The following TENM2 variants were observed in gnomAD, a reference collection of about 807,000 sequenced individuals.
TENM2 encodes the protein teneurin transmembrane protein 2, also known as teneurin-2.
Under a neutral mutation model 245.2 loss-of-function variants are expected in TENM2, and 52 were observed. The observed-to-expected ratio is 0.21, with a 90% CI of 0.17 to 0.27. The LOEUF (loss-of-function observed/expected upper bound fraction) is 0.27. Among genes scored for constraint, TENM2 ranks in the 10% least tolerant of loss-of-function variants. The probability of loss-of-function intolerance (pLI) is 1.00; values close to 1 mark genes in which losing one functional copy is unlikely to be tolerated. For synonymous variants in TENM2, 1,363 were observed against 1,438.9 expected, an observed-to-expected ratio of 0.95 and a Z score of 1.19; for missense variants, 3,046 against 3,666.8, an observed-to-expected ratio of 0.83 and a Z score of 4.37.
intron 28 of TENM2, among the ~76,000 whole-genome samples, chr5:168,261,465 G>T (rs1401616434): frequency 2.6e-5 from 4 of 152,208 alleles, no homozygotes; most frequent in Non-Finnish European, 5.9e-5. Context: ...CTGGAGTGAG[G>T]CCTGAGATTC....
chr5:167,955,693 C>T (rs1780497409), intron 4 of TENM2, among the ~76,000 whole-genome samples: 1 of 152,250 alleles, frequency 6.6e-6, no homozygotes, highest in South Asian at 2.1e-4. Context: ...TATAGCTAGC[C>T]AGTTTTTCCA....
At chr5:167,095,586 T>C in the TENM2 span, among the ~76,000 whole-genome samples, 1 of 152,158 alleles carries the variant, frequency 6.6e-6, no homozygotes, top group African/African-American at 2.4e-5. Context: ...GAGTTTTTAT[T>C]TTCTATGTTG....
rs1762605843 is a variant in TENM2, at chr5:168,209,219, T to A, written c.3825-2515T>A. 5.3e-5 allele frequency among the ~76,000 whole-genome samples: 8 copies of A among 152,328 alleles called. No homozygotes were observed. In the South Asian group the frequency reaches 1.7e-3, roughly 32 times the overall value. On this transcript the variant is annotated intron_variant, in intron 19 of 28. Transcript: ENST00000518659. ...ATTAGAGTTATAAAATTGGGGAAAA[T>A]CTTTATCAAGTTTCCTTTTTAATAT...
intron 2 of TENM2, among the ~76,000 whole-genome samples, chr5:167,821,958 T>C (rs1767565575): frequency 6.6e-6 from 1 of 152,152 alleles, no homozygotes; most frequent in South Asian, 2.1e-4. Context: ...TGTGGTTTTG[T>C]CTTGTGAAGG....
At chr5:167,954,236 G>C (rs990813669) in intron 4 of TENM2, among the ~76,000 whole-genome samples, 1 of 151,778 alleles carries the variant, frequency 6.6e-6, no homozygotes, top group Admixed American at 6.6e-5. Context: ...CACAAAGAAT[G>C]GTTACATAAC....
intron 2 of TENM2, among the ~76,000 whole-genome samples, chr5:167,503,905 C>T (rs1025817235): frequency 1.3e-5 from 2 of 152,006 alleles, no homozygotes; most frequent in African/African-American, 4.8e-5. Flanking sequence ...AAAACTAAAA[C>T]AAATAAATTT....
chr5:168,175,615 T>C (rs1759289134), intron 13 of TENM2, among the ~76,000 whole-genome samples: 1 of 152,196 alleles, frequency 6.6e-6, no homozygotes, highest in African/African-American at 2.4e-5. Context: ...GGGCTGGGAT[T>C]GGAGCCCAGT....
intron 2 of TENM2, among the ~76,000 whole-genome samples, chr5:167,612,296 C>T (rs1467865675): frequency 1.3e-5 from 2 of 152,038 alleles, no homozygotes; most frequent in South Asian, 2.1e-4. Context: ...CTACCTGTAG[C>T]GAGGACAGTT....
chr5:167,551,904 CT>C (rs1485485790), intron 2 of TENM2, among the ~76,000 whole-genome samples: 1 of 152,162 alleles, frequency 6.6e-6, no homozygotes, highest in Non-Finnish European at 1.5e-5. Flanking sequence ...GACTTCTAGG[CT>C]ACTGGTGAGG....
intron 1 of TENM2, among the ~76,000 whole-genome samples, chr5:167,317,920 C>G (rs1756469317): frequency 6.6e-6 from 1 of 152,128 alleles, no homozygotes; most frequent in South Asian, 2.1e-4. Context: ...CTCTAGCATG[C>G]CCTACCGCCA....
At chr5:167,460,601 G>A (rs548952285) in intron 2 of TENM2, among the ~76,000 whole-genome samples, 7 of 108,674 alleles carry the variant, frequency 6.4e-5, no homozygotes, top group Admixed American at 2.1e-4. Context: ...ATGGCAAAAC[G>A]TCTTTTTTTT....
At chr5:167,030,370 G>A in the TENM2 span, among the ~76,000 whole-genome samples, 1 of 152,130 alleles carries the variant, frequency 6.6e-6, no homozygotes, top group Non-Finnish European at 1.5e-5. Context: ...GAAAAAATTG[G>A]TAGCCACAAC....
intron 1 of TENM2, among the ~76,000 whole-genome samples, chr5:167,373,310 A>G (rs1403050188): frequency 6.6e-6 from 1 of 152,220 alleles, no homozygotes; most frequent in African/African-American, 2.4e-5. Context: ...TTGTAAAATA[A>G]AAGGTAAAAA....
the TENM2 span, among the ~76,000 whole-genome samples, chr5:167,279,770 C>T: frequency 6.6e-6 from 1 of 152,018 alleles, no homozygotes; most frequent in African/African-American, 2.4e-5. Context: ...CTGAGAATTT[C>T]TATTTCTTTG....
intron 2 of TENM2, chr5:167,653,828 C>T (rs1291319475): frequency 6.6e-6 from 1 of 152,214 alleles, no homozygotes; most frequent in East Asian, 1.9e-4. Flanking sequence ...TTTGAAGAAA[C>T]CACTGGGAAG....
At chr5:167,569,649 G>C (rs1170477901) in intron 2 of TENM2, among the ~76,000 whole-genome samples, 1 of 152,180 alleles carries the variant, frequency 6.6e-6, no homozygotes, top group Non-Finnish European at 1.5e-5. Context: ...GTTGTTGCAA[G>C]GTTAGAAATT....
chr5:168,132,044 T>TG (rs1217609351), intron 12 of TENM2, among the ~76,000 whole-genome samples: 2 of 151,744 alleles, frequency 1.3e-5, no homozygotes, highest in Non-Finnish European at 2.9e-5. Flanking sequence ...CCCCTATAAT[T>TG]TGGCCAAAAC....
intron 12 of TENM2, among the ~76,000 whole-genome samples, chr5:168,133,450 T>C (rs1225893965): frequency 6.6e-6 from 1 of 152,230 alleles, no homozygotes; most frequent in Non-Finnish European, 1.5e-5. Context: ...ATTTCATTAC[T>C]TTTGATGCAG....
the TENM2 span, among the ~76,000 whole-genome samples, chr5:166,990,979 G>T: frequency 6.6e-6 from 1 of 151,958 alleles, no homozygotes; most frequent in African/African-American, 2.4e-5. Flanking sequence ...TTGGGATTGT[G>T]CATGAAGTTA....
Sources: allele counts gnomAD v4.1 joint callset (sites outside exome capture counted in the v4.1 genomes callset), GRCh38; gene constraint gnomAD v4.1.1; transcripts MANE v1.5; gene names NCBI Gene and HGNC (gene_info 2026-07-23, HGNC 2026-07-21).